DNAJB11: variants seen among roughly 807,000 people sequenced by gnomAD.
The protein encoded by DNAJB11 is DnaJ heat shock protein family (Hsp40) member B11.
A neutral mutation model predicts 47.2 loss-of-function variants in DNAJB11; 30 were observed. The ratio of observed to expected loss-of-function variants is 0.64; its 90% CI spans 0.48 to 0.86. The LOEUF is 0.86. Ranked by LOEUF, DNAJB11 falls within the 40% of genes least tolerant of loss-of-function variation. The probability of loss-of-function intolerance (pLI) is 0.00; values close to 1 mark genes in which losing one functional copy is unlikely to be tolerated. For missense variants in DNAJB11, 357 were observed against 440.2 expected, an observed-to-expected ratio of 0.81 and a Z score of 1.69; for synonymous variants, 151 against 159.9, an observed-to-expected ratio of 0.94 and a Z score of 0.42.
chr3:186,574,545 T>G lies in DNAJB11; in HGVS notation c.226-1295T>G, dbSNP rs74922099. Among the ~76,000 whole-genome samples, 777 of 152,312 alleles carry G rather than the reference T, an allele frequency of 5.1e-3. 5 individuals are homozygous for G. Among genetic ancestry groups the G allele is most frequent in the African/African-American group, 0.018 (732 of 41,542 alleles). ...AGTACCTATTTTCTAAAGATACTTG[T>G]GAAAACATGCTTTCCTCTCCCTTTT... On this transcript the variant is annotated intron_variant, in intron 2 of 9. Transcript: ENST00000265028.
intron 4 of DNAJB11, 158 bp from the exon 5 acceptor site, chr3:186,581,213 C>A: frequency 1.3e-6 from 1 of 745,210 alleles, no homozygotes; most frequent in African/African-American, 1.8e-5. Flanking sequence ...CTGATTTGTA[C>A]TCTTCAAAGA....
Position 186,581,435 on chromosome 3 carries a change from A to T in DNAJB11, c.521A>T (p.Glu174Val). ...PGKRKCNCRQ[E>V]MRTTQLGPGR... ...AAACGGAAGTGCAATTGTCGGCAAG[A>T]GATGCGGACCACCCAGCTGGGCCCT... Residue 174 changes from glutamate to valine, a missense_variant, in exon 5 of 10, where the codon GAG (glutamate) becomes GTG (valine). Coordinates refer to ENST00000265028, the MANE Select transcript of DNAJB11 (RefSeq NM_016306.6). The T allele has an allele frequency of 6.2e-7, 1 of 1,614,006 alleles. No homozygotes were observed. The highest frequency in any genetic ancestry group is 1.1e-5 in the South Asian group (1 of 91,062).
chr3:186,581,575 A>G (rs145497525), intron 5 of DNAJB11, 62 bp downstream of exon 5: 11 of 1,571,348 alleles, frequency 7.0e-6, no homozygotes, highest in Middle Eastern at 1.7e-4. Flanking sequence ...TCATCTAGTC[A>G]AACACTAATG....
rs1438464280 is a variant in DNAJB11 at position 186,581,430 on chromosome 3, G to C, written c.516G>C (p.Arg172=). ...QAPGKRKCNC[R]QEMRTTQLGP... ...CTGGCAAACGGAAGTGCAATTGTCG[G>C]CAAGAGATGCGGACCACCCAGCTGG... is the stretch of plus-strand genomic sequence containing the variant. The change falls in exon 5 of 10, where the codon CGG becomes CGC. Residue 172 remains arginine (R), a synonymous_variant. Coordinates refer to ENST00000265028, the MANE Select transcript of DNAJB11 (RefSeq NM_016306.6). The C allele has an allele frequency of 3.1e-6, 5 of 1,613,874 alleles. No individual in the cohort carries two copies. Among genetic ancestry groups the C allele is most frequent in the Admixed American group, 1.7e-5 (1 of 59,986 alleles).
Position 186,571,327 on chromosome 3 carries a change from A to G in DNAJB11, c.68+362A>G, listed in dbSNP as rs559708814. On this transcript the variant is annotated intron_variant, in intron 1 of 9. Coordinates refer to ENST00000265028, the MANE Select transcript of DNAJB11 (RefSeq NM_016306.6). Reference sequence around the variant, plus strand: ...GGAAGAAAGAGGGATGCCTGACTGTAAGGAAAGATAGTGACAGTGCCAGGC... The same window carrying G: ...GGAAGAAAGAGGGATGCCTGACTGTGAGGAAAGATAGTGACAGTGCCAGGC... 3.3e-5 allele frequency among the ~76,000 whole-genome samples: 5 copies of G among 152,264 alleles called. No individual in the cohort carries two copies. The South Asian group carries it at 1.0e-3, about 32-fold the overall frequency.
intron 7 of DNAJB11, 132 bp from the exon 8 acceptor site, chr3:186,583,733 C>T: frequency 3.0e-6 from 2 of 666,174 alleles, no homozygotes; most frequent in East Asian, 2.7e-5. Flanking sequence ...TCGATTAATA[C>T]TACACACAAA....
intron 9 of DNAJB11, 60 bp downstream of exon 9, chr3:186,584,649 GAGA>G: frequency 1.4e-6 from 2 of 1,381,400 alleles, no homozygotes; most frequent in South Asian, 1.6e-5. Context: ...GTGTGTGTGT[GAGA>G]TGAGAAAAGG....
intron 2 of DNAJB11, among the ~76,000 whole-genome samples, chr3:186,574,151 A>G (rs1387612611): frequency 2.0e-5 from 3 of 152,230 alleles, no homozygotes; most frequent in African/African-American, 7.2e-5. Context: ...CATTTTAATT[A>G]CTTGAGAATC....
chr3:186,575,816 T>C lies in DNAJB11; in HGVS notation c.226-24T>C, dbSNP rs779087036. ...TGGATATTACCAACTCATGATCTTT[T>C]CCTCCACTGGCTTTTATCCCCAGGT... is the stretch of plus-strand genomic sequence containing the variant. On this transcript the variant is annotated intron_variant, in intron 2 of 9. Transcript: ENST00000265028. 5 of 1,578,558 alleles carry C rather than the reference T, an allele frequency of 3.2e-6. No homozygotes were observed. The South Asian group carries it at 5.5e-5, about 17-fold the overall frequency.
At chr3:186,581,684 T>C (rs1715490332) in intron 5 of DNAJB11, among the ~76,000 whole-genome samples, 171 bp downstream of exon 5, 1 of 151,820 alleles carries the variant, frequency 6.6e-6, no homozygotes, top group African/African-American at 2.4e-5. Flanking sequence ...TTTGTAAATA[T>C]CTCCTTTTAT....
chr3:186,570,744 A>G lies in DNAJB11; in HGVS notation c.-154A>G. 1 of 679,266 alleles carries G rather than the reference A, an allele frequency of 1.5e-6. No individual in the cohort carries two copies. The highest frequency in any genetic ancestry group is 2.9e-5 in the East Asian group (1 of 34,154). 42.1% of individuals were successfully genotyped at this position (679,266 alleles called of 1,614,324 possible). A position where few individuals can be genotyped will look rare whatever the true frequency, so the allele number is the denominator to read the frequency against. ...GACTCCCGGGAAGTGGACCGGCAGAAGAGGGGGCTAGCTAGCTGTCTCTGC... is the reference window on the plus strand; with the variant it reads ...GACTCCCGGGAAGTGGACCGGCAGAGGAGGGGGCTAGCTAGCTGTCTCTGC... On this transcript the variant is annotated 5_prime_UTR_variant, in exon 1 of 10. Transcript: ENST00000265028.
chr3:186,574,877 A>G (rs751124477), intron 2 of DNAJB11, among the ~76,000 whole-genome samples: 14 of 152,232 alleles, frequency 9.2e-5, no homozygotes, highest in Non-Finnish European at 1.6e-4. Flanking sequence ...TTGTCTAAGT[A>G]GGAGTTTATA....
At chr3:186,577,920 C>T (rs1715356224) in intron 4 of DNAJB11, 120 bp downstream of exon 4, 1 of 788,704 alleles carries the variant, frequency 1.3e-6, no homozygotes, top group South Asian at 2.6e-5. Flanking sequence ...TGATCAAATG[C>T]ACAAAATTGA....
At position 186,570,841 on chromosome 3, in the gene DNAJB11, G is replaced by T; in HGVS notation, c.-57G>T. 1 of 1,538,432 alleles carries T rather than the reference G, an allele frequency of 6.5e-7. No homozygotes were observed. The highest frequency in any genetic ancestry group is 8.8e-7 in the Non-Finnish European group (1 of 1,133,870). On this transcript the variant is annotated 5_prime_UTR_variant, in exon 1 of 10. Transcript: ENST00000265028. ...GGGCCGGGTGGGCTGGCGAGCCGAC[G>T]CGGCGGCGGAGGAGGCTGTGAGGAG...
chr3:186,571,031 G>GGGCCCCCC, intron 1 of DNAJB11, 66 bp downstream of exon 1: 1 of 1,041,144 alleles, frequency 9.6e-7, no homozygotes, highest in East Asian at 3.1e-5. Context: ...GTGGGAGGGG[G>GGGCCCCCC]TGGGGGAAGT....
At chr3:186,581,342 G>C (rs1237593787) in intron 4 of DNAJB11, 29 bp from the exon 5 acceptor site, 1 of 1,611,806 alleles carries the variant, frequency 6.2e-7, no homozygotes, top group Admixed American at 1.7e-5. Context: ...ACACAAGAGA[G>C]AAGCTGATGT....
chr3:186,578,122 C>T (rs1485630147), intron 4 of DNAJB11: 1 of 161,630 alleles, frequency 6.2e-6, no homozygotes, highest in East Asian at 1.7e-4. Context: ...CTTACTTTAT[C>T]ATGTATATAT....
At chr3:186,572,316 G>C (rs1715097292) in intron 2 of DNAJB11, 65 bp downstream of exon 2, 3 of 1,384,006 alleles carry the variant, frequency 2.2e-6, no homozygotes, top group African/African-American at 2.9e-5. Flanking sequence ...ATACAATACA[G>C]AGAAACACTC....
chr3:186,577,580 G>C (rs1189300151), intron 3 of DNAJB11, 88 bp from the exon 4 acceptor site: 1 of 1,255,810 alleles, frequency 8.0e-7, no homozygotes. Context: ...AGAAACAATA[G>C]TTTATCAACG....
Sources: allele counts gnomAD v4.1 joint callset (sites outside exome capture counted in the v4.1 genomes callset), GRCh38; gene constraint gnomAD v4.1.1; transcripts MANE v1.5; gene names NCBI Gene and HGNC (gene_info 2026-07-23, HGNC 2026-07-21).